Variants in HMG20A observed in about 807,000 individuals in gnomAD.
HMG20A encodes the protein high mobility group protein 20A.
Under a neutral mutation model 43.9 loss-of-function variants are expected in HMG20A, and 17 were observed. The ratio of observed to expected loss-of-function variants is 0.39; its 90% CI spans 0.27 to 0.58. The LOEUF (loss-of-function observed/expected upper bound fraction) is 0.58, where lower values mean the gene tolerates loss of function less well. HMG20A is among the 20% of genes least tolerant of loss of function. The pLI is 0.59. For synonymous variants in HMG20A, 132 were observed against 147.5 expected (o/e 0.89, Z 0.76); for missense variants, 341 against 438.2 (o/e 0.78, Z 1.98).
At chr15:77,460,004 A>G (rs1222222121) in intron 2 of HMG20A, among the ~76,000 whole-genome samples, 2 of 152,230 alleles carry the variant, frequency 1.3e-5, no homozygotes, top group African/African-American at 4.8e-5. Flanking sequence ...GGTTTCACAC[A>G]GAATTATATG....
chr15:77,445,869 A>C (rs2073668467), intron 1 of HMG20A, among the ~76,000 whole-genome samples: 1 of 152,198 alleles, frequency 6.6e-6, no homozygotes, highest in South Asian at 2.1e-4. Context: ...ACTACTCAGA[A>C]CAGTGTATAA....
At chr15:77,421,102 T>A (rs1420521871) in intron 1 of HMG20A, 98 bp downstream of exon 1, 4 of 365,616 alleles carry the variant, frequency 1.1e-5, no homozygotes, top group Admixed American at 4.6e-5. Context: ...CTGGTTTGTC[T>A]CAGTTGGAGG....
chr15:77,478,189 T>C (rs1405268511), intron 7 of HMG20A, 106 bp from the exon 8 acceptor site: 5 of 1,014,150 alleles, frequency 4.9e-6, no homozygotes, highest in Non-Finnish European at 6.1e-6. Context: ...TGAGGTGGGG[T>C]AGCTAAATTA....
At chr15:77,480,515 A>G (rs192260478) in intron 9 of HMG20A, among the ~76,000 whole-genome samples, 16 of 151,614 alleles carry the variant, frequency 1.1e-4, no homozygotes, top group Admixed American at 5.9e-4. Flanking sequence ...CAGGAGGCTG[A>G]GGCAGGAGGA....
At chr15:77,432,370 A>G (rs949584527) in intron 1 of HMG20A, among the ~76,000 whole-genome samples, 3 of 152,216 alleles carry the variant, frequency 2.0e-5, no homozygotes, top group Non-Finnish European at 4.4e-5. Context: ...ACAGCAAATT[A>G]AACCCAAAGT....
chr15:77,421,323 A>G (rs1034728764), intron 1 of HMG20A, among the ~76,000 whole-genome samples: 3 of 152,148 alleles, frequency 2.0e-5, no homozygotes, highest in Non-Finnish European at 4.4e-5. Flanking sequence ...TTTATGTGAA[A>G]AGTTAGATTA....
chr15:77,493,207 G>C, the HMG20A span, among the ~76,000 whole-genome samples: 2 of 152,172 alleles, frequency 1.3e-5, no homozygotes, highest in Admixed American at 6.5e-5. Context: ...TGCAGGAAAA[G>C]AGTAGTAGTA....
At chr15:77,478,556 T>C in intron 8 of HMG20A, 46 bp downstream of exon 8, 1 of 1,474,370 alleles carries the variant, frequency 6.8e-7, no homozygotes, top group Middle Eastern at 2.4e-4. Context: ...GGTGTGTGTG[T>C]TGTGTGGAGT....
chr15:77,433,034 T>C (rs1040027054), intron 1 of HMG20A, among the ~76,000 whole-genome samples: 3 of 152,152 alleles, frequency 2.0e-5, no homozygotes, highest in African/African-American at 7.2e-5. Flanking sequence ...AAATAGAATA[T>C]CTGAATACTG....
chr15:77,464,011 T>C (rs1424567361), intron 2 of HMG20A, among the ~76,000 whole-genome samples: 2 of 152,210 alleles, frequency 1.3e-5, no homozygotes, highest in Non-Finnish European at 2.9e-5. Context: ...ATTATAGTTG[T>C]TTTTGGTAGG....
chr15:77,449,587 A>C (rs2073712763), intron 1 of HMG20A, among the ~76,000 whole-genome samples: 1 of 152,196 alleles, frequency 6.6e-6, no homozygotes, highest in South Asian at 2.1e-4. Flanking sequence ...TCTCTGGCAT[A>C]ATAAAATACA....
intron 2 of HMG20A, among the ~76,000 whole-genome samples, chr15:77,460,842 C>T (rs2142329036): frequency 6.6e-6 from 1 of 152,122 alleles, no homozygotes; most frequent in East Asian, 1.9e-4. Flanking sequence ...AAAAATCAGT[C>T]AGGTGTGGTG....
intron 1 of HMG20A, among the ~76,000 whole-genome samples, chr15:77,453,709 C>G (rs1316800419): frequency 6.6e-6 from 1 of 152,040 alleles, no homozygotes; most frequent in Non-Finnish European, 1.5e-5. Context: ...ACAAAATGTG[C>G]AATAGCCATC....
chr15:77,431,256 G>T lies in HMG20A; in HGVS notation c.-5+10252G>T, dbSNP rs774009260. On this transcript the variant is annotated intron_variant, in intron 1 of 9. Coordinates refer to ENST00000336216, the MANE Select transcript of HMG20A (RefSeq NM_001304504.2). ...AGATGGAGTCTCCCTCTGTCACCCA[G>T]GCTGGAATGCAGTGGCGTGATCTCA... 2.6e-5 allele frequency among the ~76,000 whole-genome samples: 4 copies of T among 152,138 alleles called. No homozygotes were observed. In the Middle Eastern group the frequency reaches 0.01, roughly 388 times the overall value.
intron 1 of HMG20A, among the ~76,000 whole-genome samples, chr15:77,443,398 A>G (rs1291582202): frequency 6.8e-6 from 1 of 145,992 alleles, no homozygotes; most frequent in African/African-American, 2.5e-5. Context: ...TATTATTATT[A>G]TTATTATTAT....
At chr15:77,464,420 T>C (rs2072736150) in intron 3 of HMG20A, 33 bp downstream of exon 3, 1 of 1,603,636 alleles carries the variant, frequency 6.2e-7, no homozygotes, top group Non-Finnish European at 8.5e-7. Flanking sequence ...GTTCCTATCC[T>C]CTGAAACTTC....
At chr15:77,467,640 C>T (rs1428267084) in intron 4 of HMG20A, among the ~76,000 whole-genome samples, 3 of 152,084 alleles carry the variant, frequency 2.0e-5, no homozygotes, top group African/African-American at 7.2e-5. Flanking sequence ...AATGAAAAGT[C>T]GTGAATTAAA....
downstream of HMG20A, among the ~76,000 whole-genome samples, chr15:77,485,950 A>C (rs1039418254): frequency 6.6e-6 from 1 of 152,212 alleles, no homozygotes; most frequent in African/African-American, 2.4e-5. Context: ...AAAAATAAAT[A>C]AAAAAGTTCT....
intron 1 of HMG20A, 51 bp downstream of exon 1, chr15:77,421,055 C>T (rs920225651): frequency 2.5e-6 from 1 of 397,914 alleles, no homozygotes; most frequent in African/African-American, 2.1e-5. Context: ...ATGCCCTTCA[C>T]CCCTTGAAGA....
Sources: allele counts gnomAD v4.1 joint callset (sites outside exome capture counted in the v4.1 genomes callset), GRCh38; gene constraint gnomAD v4.1.1; transcripts MANE v1.5; gene names NCBI Gene and HGNC (gene_info 2026-07-23, HGNC 2026-07-21).